The following CMIP variants were observed in gnomAD, a reference collection of about 807,000 sequenced individuals.
CMIP encodes c-Maf inducing protein.
CMIP carries 13 observed loss-of-function variants against 97.3 expected under a neutral mutation model. That is an observed-to-expected ratio of 0.13 (90% confidence interval 0.09 to 0.21). The LOEUF is 0.21. Ranked by LOEUF, CMIP falls within the 10% of genes least tolerant of loss-of-function variation. The pLI is 1.00. For synonymous variants in CMIP, 538 were observed against 436.3 expected (o/e 1.23, Z -2.91); for missense variants, 847 against 1,024.9 (o/e 0.83, Z 2.37).
rs6564909 is a variant in CMIP, at chr16:81,707,346, A to G, written c.2268+262A>G. On this transcript the variant is annotated intron_variant, in intron 20 of 20. Transcript: ENST00000537098. ...GGCCGCAGGAGCTGAGACCCAAAAC[A>G]TAAGAAGCCAGAAATACCAAGGGCG... 1 allele frequency among the ~76,000 whole-genome samples: 152,327 copies of G among 152,344 alleles called. 76,155 individuals are homozygous for G. Among genetic ancestry groups the G allele is most frequent in the Middle Eastern group, 1 (294 of 294 alleles).
intron 10 of CMIP, among the ~76,000 whole-genome samples, chr16:81,686,068 G>A (rs1161023038): frequency 6.6e-6 from 1 of 152,318 alleles, no homozygotes; most frequent in Middle Eastern, 3.4e-3. Context: ...TAAAATGGGG[G>A]TGCCAAGAGC....
chr16:81,643,793 G>GTAAATAAA (rs149906497), intron 3 of CMIP, among the ~76,000 whole-genome samples: 41 of 151,974 alleles, frequency 2.7e-4, no homozygotes, highest in African/African-American at 7.7e-4. Context: ...CAATAAGTAA[G>GTAAATAAA]TAAATAAATA....
intron 7 of CMIP, among the ~76,000 whole-genome samples, chr16:81,668,261 G>C (rs533251184): frequency 2.0e-5 from 3 of 152,116 alleles, no homozygotes; most frequent in Non-Finnish European, 4.4e-5. Flanking sequence ...GGGGCAGGAC[G>C]GTGCCGCTCC....
At chr16:81,606,798 G>T (rs569031823) in intron 1 of CMIP, 34 of 154,654 alleles carry the variant, frequency 2.2e-4, no homozygotes, top group South Asian at 1.8e-3. Flanking sequence ...AGGGAAGGGT[G>T]CAAGCAGGTT....
intron 1 of CMIP, among the ~76,000 whole-genome samples, chr16:81,499,852 G>T (rs1006509483): frequency 1.3e-5 from 2 of 152,256 alleles, no homozygotes; most frequent in Admixed American, 1.3e-4. Context: ...TCAGATTCAA[G>T]TCTGGGCTTG....
chr16:81,683,535 G>A (rs930907592), intron 10 of CMIP, among the ~76,000 whole-genome samples: 10 of 149,564 alleles, frequency 6.7e-5, no homozygotes, highest in Admixed American at 6.7e-5. Flanking sequence ...GATTACAGGC[G>A]CCTGCCACCA....
intron 3 of CMIP, among the ~76,000 whole-genome samples, chr16:81,638,076 A>G (rs1385114032): frequency 3.3e-5 from 5 of 152,122 alleles, no homozygotes. Context: ...TTGAAGATAC[A>G]AACATTCAGA....
intron 1 of CMIP, among the ~76,000 whole-genome samples, chr16:81,580,446 A>C (rs974284054): frequency 6.6e-6 from 1 of 151,180 alleles, no homozygotes; most frequent in African/African-American, 2.4e-5. Flanking sequence ...TAATTTTTTT[A>C]TTTTTGAAAT....
intron 1 of CMIP, chr16:81,476,531 C>G: frequency 3.1e-6 from 2 of 648,310 alleles, no homozygotes; most frequent in South Asian, 2.9e-5. Flanking sequence ...GCTGATAGAA[C>G]AGGTTTCCCG....
At chr16:81,445,721 G>T (rs1905790721) in intron 1 of CMIP, among the ~76,000 whole-genome samples, 180 bp downstream of exon 1, 2 of 152,128 alleles carry the variant, frequency 1.3e-5, no homozygotes. Context: ...CGATTTTGGA[G>T]TCTGAAGCCC....
In CMIP at chr16:81,460,719, C is replaced by T. The variant is rs77975467; in HGVS notation, c.300+15178C>T. On this transcript the variant is annotated intron_variant, in intron 1 of 20. Coordinates refer to ENST00000537098, the MANE Select transcript of CMIP (RefSeq NM_198390.3). ...GATGGAGTGGTGTTCAGAGCCTCTT[C>T]CCTTTAGAGTTCAGAGCAACCAAAT... Among the ~76,000 whole-genome samples, 55 of 152,232 alleles carry T rather than the reference C, an allele frequency of 3.6e-4. 1 individual carries two copies. In the East Asian group the frequency reaches 0.01, roughly 29 times the overall value.
At chr16:81,523,582 C>T (rs1012706040) in intron 1 of CMIP, among the ~76,000 whole-genome samples, 7 of 152,234 alleles carry the variant, frequency 4.6e-5, no homozygotes, top group Non-Finnish European at 8.8e-5. Context: ...TCCAAATTCT[C>T]GAGTCACTCA....
At chr16:81,675,009 C>G (rs1445389536) in intron 9 of CMIP, among the ~76,000 whole-genome samples, 1 of 152,180 alleles carries the variant, frequency 6.6e-6, no homozygotes, top group Admixed American at 6.5e-5. Context: ...AGGACCCTCC[C>G]AGTGCCATTC....
intron 2 of CMIP, among the ~76,000 whole-genome samples, chr16:81,612,796 A>G (rs949757456): frequency 6.6e-6 from 1 of 151,904 alleles, no homozygotes; most frequent in Non-Finnish European, 1.5e-5. Context: ...GACCTCTCCC[A>G]TGTCTGAATG....
At chr16:81,485,484 T>C (rs2089300241) in intron 1 of CMIP, among the ~76,000 whole-genome samples, 1 of 152,238 alleles carries the variant, frequency 6.6e-6, no homozygotes, top group Non-Finnish European at 1.5e-5. Context: ...ACGTCCCAGC[T>C]TGTAGACACT....
chr16:81,561,725 G>A (rs544547550), intron 1 of CMIP, among the ~76,000 whole-genome samples: 1 of 152,200 alleles, frequency 6.6e-6, no homozygotes, highest in Non-Finnish European at 1.5e-5. Flanking sequence ...TGTATGGACA[G>A]TATTCTAAAC....
In CMIP at chr16:81,711,382, GAAAAA is replaced by G. The variant is rs889821470; in HGVS notation, c.*1589_*1593del. The G allele has an allele frequency of 2.1e-5, 3 of 145,864 alleles. No individual in the cohort carries two copies. Among genetic ancestry groups the G allele is most frequent in the African/African-American group, 7.6e-5 (3 of 39,664 alleles). 9.0% of individuals were successfully genotyped at this position (145,864 alleles called of 1,614,324 possible). A position where few individuals can be genotyped will look rare whatever the true frequency, so the allele number is the denominator to read the frequency against. ...CTATGCCCTCATTTTTTTAAAAAAG[GAAAAA>G]AAAAAGAAACTGGGTTCCAGTCTTA... On this transcript the variant is annotated 3_prime_UTR_variant, in exon 21 of 21. Coordinates refer to ENST00000537098, the MANE Select transcript of CMIP (RefSeq NM_198390.3).
At chr16:81,535,183 C>A (rs1344826846) in intron 1 of CMIP, among the ~76,000 whole-genome samples, 2 of 152,284 alleles carry the variant, frequency 1.3e-5, no homozygotes, top group East Asian at 1.9e-4. Flanking sequence ...ATCTCCTGAC[C>A]TAGTGATCTG....
intron 1 of CMIP, among the ~76,000 whole-genome samples, chr16:81,452,679 C>G (rs1398844150): frequency 5.9e-5 from 9 of 152,020 alleles, no homozygotes; most frequent in Non-Finnish European, 1.3e-4. Flanking sequence ...GTGGAAATCA[C>G]CCAGTAAAGT....
Sources: gnomAD v4.1 joint callset for allele counts (sites outside exome capture counted in the v4.1 genomes callset) on GRCh38, gnomAD v4.1.1 for gene constraint, MANE v1.5 for transcripts, NCBI Gene and HGNC (gene_info 2026-07-23, HGNC 2026-07-21) for gene names.